The following SDK2 variants were observed in gnomAD, a reference collection of about 807,000 sequenced individuals.
SDK2 encodes the protein protein sidekick-2.
SDK2 carries 105 observed loss-of-function variants against 253.9 expected under a neutral mutation model. That is an observed-to-expected ratio of 0.41 (90% CI 0.35 to 0.49). The LOEUF is 0.49. Among genes scored for constraint, SDK2 ranks in the 20% least tolerant of loss-of-function variants. The probability of loss-of-function intolerance (pLI) is 0.06; values close to 1 mark genes in which losing one functional copy is unlikely to be tolerated. For missense variants in SDK2, 2,608 were observed against 3,003.0 expected, an observed-to-expected ratio of 0.87 and a Z score of 3.07; for synonymous variants, 1,249 against 1,234.9, an observed-to-expected ratio of 1.01 and a Z score of -0.24.
intron 1 of SDK2, among the ~76,000 whole-genome samples, chr17:73,592,362 A>G (rs1699495392): frequency 6.6e-6 from 1 of 152,278 alleles, no homozygotes; most frequent in African/African-American, 2.4e-5. Context: ...GTGTAAGAGC[A>G]GATTTTACTG....
intron 36 of SDK2, among the ~76,000 whole-genome samples, chr17:73,373,019 C>G (rs2062749547): frequency 6.6e-6 from 1 of 152,206 alleles, no homozygotes. Flanking sequence ...GGGACCTTCT[C>G]CCTATTTCCC....
chr17:73,596,643 G>A (rs1165831923), intron 1 of SDK2, among the ~76,000 whole-genome samples: 2 of 152,110 alleles, frequency 1.3e-5, no homozygotes, highest in Non-Finnish European at 2.9e-5. Flanking sequence ...AGTGGTCTCT[G>A]ATGTTCCCCC....
Position 73,352,456 on chromosome 17 carries a change from A to C in SDK2, c.5758+17T>G, listed in dbSNP as rs1321461149. Reference sequence around the variant, plus strand: ...TGCTGTGGGGCTCCCCCACTCCCTCAGCCCCCAGGCCGGTACCTGGCACAG... The same window carrying C: ...TGCTGTGGGGCTCCCCCACTCCCTCCGCCCCCAGGCCGGTACCTGGCACAG... On this transcript the variant is annotated intron_variant, in intron 41 of 44. Coordinates refer to ENST00000392650, the MANE Select transcript of SDK2 (RefSeq NM_001144952.2). The surrounding 1 kb of genome is among the most constrained non-coding windows in gnomAD (Gnocchi z 4.1). The C allele has an allele frequency of 6.2e-7, 1 of 1,604,264 alleles. No homozygotes were observed. Among genetic ancestry groups the C allele is most frequent in the African/African-American group, 1.3e-5 (1 of 74,802 alleles).
intron 1 of SDK2, among the ~76,000 whole-genome samples, chr17:73,529,548 G>A (rs2064153193): frequency 1.3e-5 from 2 of 152,190 alleles, no homozygotes. Flanking sequence ...TTTGGAAATA[G>A]AGACCTTGCA....
chr17:73,433,705 CA>C, intron 10 of SDK2, 26 bp downstream of exon 10: 1 of 1,519,418 alleles, frequency 6.6e-7, no homozygotes, highest in African/African-American at 1.4e-5. Flanking sequence ...CACCCAGCCA[CA>C]CTCTCTGAAG....
chr17:73,527,568 GC>G (rs1369190285), intron 1 of SDK2, among the ~76,000 whole-genome samples: 1 of 152,172 alleles, frequency 6.6e-6, no homozygotes, highest in Non-Finnish European at 1.5e-5. Flanking sequence ...CACAGGGCCT[GC>G]ACTGGCCTCA....
intron 18 of SDK2, among the ~76,000 whole-genome samples, chr17:73,407,775 A>G (rs6501631): frequency 0.99 from 150,326 of 152,262 alleles, 74,236 homozygotes; most frequent in East Asian, 1. Context: ...GTAAGTAAGG[A>G]AAAATAATTA....
chr17:73,462,914 T>C (rs1211321912), intron 3 of SDK2, among the ~76,000 whole-genome samples: 1 of 152,098 alleles, frequency 6.6e-6, no homozygotes, highest in East Asian at 1.9e-4. Flanking sequence ...AGGCCATGGG[T>C]GAATGTATTT....
At chr17:73,477,030 G>A (rs143635107) in intron 2 of SDK2, among the ~76,000 whole-genome samples, 180 of 152,212 alleles carry the variant, frequency 1.2e-3, no homozygotes, top group African/African-American at 3.3e-3. Context: ...TAACAGTTCC[G>A]CCCACTGCCT....
In SDK2 at chr17:73,609,753, G is replaced by A. The variant is rs1249153788; in HGVS notation, c.64+34272C>T. ...AAATCCCAAAGGAGCCAAAGCACAG[G>A]AGGGAGGGAGGGAACTGCTGGGGCC... On this transcript the variant is annotated intron_variant, in intron 1 of 44. Transcript: ENST00000392650. This position sits in a 1 kb window ranked among gnomAD's most constrained non-coding sequence, Gnocchi z 4.4. Among the ~76,000 whole-genome samples the A allele has an allele frequency of 1.3e-5, 2 of 152,206 alleles. No homozygotes were observed. Among genetic ancestry groups the A allele is most frequent in the Admixed American group, 1.3e-4 (2 of 15,286 alleles).
At chr17:73,440,108 C>CT (rs112008765) in intron 6 of SDK2, among the ~76,000 whole-genome samples, 4,241 of 138,666 alleles carry the variant, frequency 0.031, 77 homozygotes, top group Middle Eastern at 0.042. Context: ...AGCCCATACT[C>CT]TTTTTTTTTT....
chr17:73,433,968 G>T, intron 9 of SDK2, 120 bp from the exon 10 acceptor site: 1 of 653,600 alleles, frequency 1.5e-6, no homozygotes, highest in South Asian at 2.0e-5. Flanking sequence ...GCCATGGTGA[G>T]GGGCCCTCCA....
rs1325366263 is a variant in SDK2 at position 73,447,250 on chromosome 17, C to A, written c.613+365G>T. Among the ~76,000 whole-genome samples, 2 of 152,050 alleles carry A rather than the reference C, an allele frequency of 1.3e-5. No homozygotes were observed. The highest frequency in any genetic ancestry group is 4.8e-5 in the African/African-American group (2 of 41,388). ...CTTCAGCCCTGCAATCACCCACATG[C>A]CCTCCTGGTCAGCATCTGAGCCCCG... is the stretch of plus-strand genomic sequence containing the variant. On this transcript the variant is annotated intron_variant, in intron 5 of 44. Coordinates refer to ENST00000392650, the MANE Select transcript of SDK2 (RefSeq NM_001144952.2). This position sits in a 1 kb window ranked among gnomAD's most constrained non-coding sequence, Gnocchi z 4.0.
chr17:73,580,571 G>A (rs867216428), intron 1 of SDK2, among the ~76,000 whole-genome samples: 12 of 152,392 alleles, frequency 7.9e-5, no homozygotes, highest in East Asian at 5.8e-4. Flanking sequence ...AGAGGGACCC[G>A]TGCTTGGTTT....
intron 1 of SDK2, among the ~76,000 whole-genome samples, chr17:73,640,317 G>C (rs1329790942): frequency 1.3e-5 from 2 of 151,974 alleles, no homozygotes; most frequent in African/African-American, 2.4e-5. Flanking sequence ...CTGCCAGCGG[G>C]ATGTAGCCTC....
chr17:73,457,638 A>AC (rs2063538091), intron 3 of SDK2, among the ~76,000 whole-genome samples: 1 of 152,084 alleles, frequency 6.6e-6, no homozygotes, highest in Middle Eastern at 3.4e-3. Flanking sequence ...GGTCTGAGCC[A>AC]CCGTGCCCAG....
chr17:73,489,630 T>G (rs2063792064), intron 2 of SDK2, among the ~76,000 whole-genome samples: 1 of 152,138 alleles, frequency 6.6e-6, no homozygotes, highest in Non-Finnish European at 1.5e-5. Context: ...AGCCACAGTC[T>G]CCAGGTTCTT....
intron 1 of SDK2, among the ~76,000 whole-genome samples, chr17:73,508,444 T>C (rs963518061): frequency 1.3e-5 from 2 of 152,126 alleles, no homozygotes; most frequent in Non-Finnish European, 2.9e-5. Context: ...AGGGAACTGA[T>C]GGAACAATGG....
At chr17:73,498,683 A>T (rs2063862506) in intron 2 of SDK2, among the ~76,000 whole-genome samples, 1 of 152,158 alleles carries the variant, frequency 6.6e-6, no homozygotes, top group East Asian at 1.9e-4. Flanking sequence ...TCCTTATAGG[A>T]GTTGCTGATG....
Sources: allele counts gnomAD v4.1 joint callset (sites outside exome capture counted in the v4.1 genomes callset), GRCh38; gene constraint gnomAD v4.1.1; non-coding constraint Gnocchi (gnomAD v3.1); transcripts MANE v1.5; gene names NCBI Gene and HGNC (gene_info 2026-07-23, HGNC 2026-07-21).